ST3GAL1: variants seen among roughly 807,000 people sequenced by gnomAD.
ST3GAL1 encodes the protein CMP-N-acetylneuraminate-beta-galactosamide-alpha-2,3-sialyltransferase 1.
Under a neutral mutation model 34.1 loss-of-function variants are expected in ST3GAL1, and 16 were observed. The observed-to-expected ratio is 0.47, with a 90% confidence interval of 0.32 to 0.71. The LOEUF (loss-of-function observed/expected upper bound fraction) is 0.71. ST3GAL1 is among the 30% of genes least tolerant of loss of function. ST3GAL1 has a pLI of 0.04. For synonymous variants in ST3GAL1, 191 were observed against 184.7 expected (o/e 1.03, Z -0.28); for missense variants, 353 against 447.4 (o/e 0.79, Z 1.90).
rs566201740 is a variant in ST3GAL1, at chr8:133,459,867, G to A, written c.920C>T (p.Ala307Val). The A allele has an allele frequency of 6.3e-5, 102 of 1,614,000 alleles. No homozygotes were observed. Among genetic ancestry groups the A allele is most frequent in the Non-Finnish European group, 8.0e-5 (94 of 1,180,016 alleles). Reference sequence around the variant, plus strand: ...CACCCCCGTCTTGCGAAAAGCCCCCGCGGATGGGTTGTTCTCCCAGTAGTG... The same window carrying A: ...CACCCCCGTCTTGCGAAAAGCCCCCACGGATGGGTTGTTCTCCCAGTAGTG... ...WHHYWENNPSAGAFRKTGVHD... is the reference protein window; with the variant it reads ...WHHYWENNPSVGAFRKTGVHD... The change falls in exon 10 of 10, where the codon GCG becomes GTG. Residue 307 changes from alanine (A) to valine (V), a missense_variant. Transcript: ENST00000522652. The surrounding 1 kb of genome is among the most constrained non-coding windows in gnomAD (Gnocchi z 4.7).
intron 1 of ST3GAL1, among the ~76,000 whole-genome samples, chr8:133,553,176 C>A (rs1356924798): frequency 6.6e-6 from 1 of 152,192 alleles, no homozygotes; most frequent in African/African-American, 2.4e-5. Flanking sequence ...CTGCTCCACT[C>A]TGCTTTGCTG....
At chr8:133,489,794 T>C (rs1252288264) in intron 3 of ST3GAL1, 4 of 152,240 alleles carry the variant, frequency 2.6e-5, no homozygotes, top group Non-Finnish European at 5.9e-5. Context: ...CGCCTGTGGC[T>C]TGACCACCGC....
In ST3GAL1 at chr8:133,506,655, C is replaced by T. The variant is rs562046589; in HGVS notation, c.-428-7466G>A. ...CAAAAATTAGCCGGGCGTGGTGGTACGCACCTGTAATCCCAGCTACTCAGG... is the reference window on the plus strand; with the variant it reads ...CAAAAATTAGCCGGGCGTGGTGGTATGCACCTGTAATCCCAGCTACTCAGG... On this transcript the variant is annotated intron_variant, in intron 2 of 9. Transcript: ENST00000522652. 1.5e-4 allele frequency among the ~76,000 whole-genome samples: 23 copies of T among 151,636 alleles called. No homozygotes were observed. The East Asian group carries it at 4.3e-3, about 28-fold the overall frequency.
chr8:133,475,740 G>C lies in ST3GAL1; in HGVS notation c.285C>G (p.Asp95Glu). ...LLTAQNALLE[D>E]DTYRWWLRLQ... ...TCACCAGCCACCATCGGTAGGTGTC[G>C]TCCTCCAAGAGCGCGTTCTGGGCGG... is the stretch of plus-strand genomic sequence containing the variant. Residue 95 changes from aspartate (D) to glutamate (E), a missense_variant, in exon 5 of 10, where the codon GAC (aspartate) becomes GAG (glutamate). Coordinates refer to ENST00000522652, the MANE Select transcript of ST3GAL1 (RefSeq NM_173344.3). 1 of 1,603,410 alleles carries C rather than the reference G, an allele frequency of 6.2e-7. No individual in the cohort carries two copies.
rs373805011 is a variant in ST3GAL1, at chr8:133,545,260, T to C, written c.-429+514A>G. On this transcript the variant is annotated intron_variant, in intron 2 of 9. Transcript: ENST00000522652. ...AGGCTTTGCAGCCACACGGTCTCTA[T>C]GGTAATGACTCAACTGGGCTGCTGC... Among the ~76,000 whole-genome samples, 7 of 152,384 alleles carry C rather than the reference T, an allele frequency of 4.6e-5. No homozygotes were observed. In the East Asian group the frequency reaches 1.2e-3, roughly 25 times the overall value.
intron 1 of ST3GAL1, among the ~76,000 whole-genome samples, chr8:133,551,570 G>GAAAC (rs1563739042): frequency 6.8e-5 from 10 of 146,154 alleles, no homozygotes; most frequent in African/African-American, 2.6e-4. Flanking sequence ...AAGAAAGAAA[G>GAAAC]AAAGAAAGAA....
intron 2 of ST3GAL1, among the ~76,000 whole-genome samples, chr8:133,509,659 G>A (rs1299033169): frequency 6.6e-6 from 1 of 152,250 alleles, no homozygotes; most frequent in Non-Finnish European, 1.5e-5. Flanking sequence ...GCCGGTGTGG[G>A]ACAGGTGTGC....
rs1038713025 is a variant in ST3GAL1, at chr8:133,466,603, C to T, written c.307-513G>A. Among the ~76,000 whole-genome samples the T allele has an allele frequency of 2.6e-5, 4 of 152,204 alleles. No individual in the cohort carries two copies. The highest frequency in any genetic ancestry group is 4.8e-5 in the African/African-American group (2 of 41,450). On this transcript the variant is annotated intron_variant, in intron 5 of 9. Transcript: ENST00000522652. The surrounding 1 kb of genome is among the most constrained non-coding windows in gnomAD (Gnocchi z 4.4). ...CCCGCTCAAGCCTTAACAAGAAGAG[C>T]GAGGAGTAGGTGGAAATGCCAGTTC...
intron 2 of ST3GAL1, among the ~76,000 whole-genome samples, chr8:133,499,640 T>C (rs913271854): frequency 6.6e-6 from 1 of 152,178 alleles, no homozygotes; most frequent in Non-Finnish European, 1.5e-5. Flanking sequence ...ACATCCTTTT[T>C]CTGGGACCTG....
chr8:133,509,335 G>C (rs746841108), intron 2 of ST3GAL1, among the ~76,000 whole-genome samples: 6 of 152,246 alleles, frequency 3.9e-5, no homozygotes, highest in South Asian at 2.1e-4. Flanking sequence ...GGAGAACACT[G>C]GTTGTGCAGT....
At position 133,456,087 on chromosome 8, in the gene ST3GAL1, C is replaced by G. The variant is rs1205955861; in HGVS notation, c.*3677G>C. ...TCCAGCTTTTCTCTCTAAGCCTAAC[C>G]AAATGCTTTGGTGAATGATGCTTGG... is the stretch of plus-strand genomic sequence containing the variant. On this transcript the variant is annotated 3_prime_UTR_variant, in exon 10 of 10. Coordinates refer to ENST00000522652, the MANE Select transcript of ST3GAL1 (RefSeq NM_173344.3). The G allele has an allele frequency of 6.6e-6, 1 of 152,098 alleles. No homozygotes were observed. Among genetic ancestry groups the G allele is most frequent in the African/African-American group, 2.4e-5 (1 of 41,392 alleles). The allele number at this position is 152,098 out of a possible 1,614,324, so 9.4% of individuals were successfully genotyped here.
intron 1 of ST3GAL1, among the ~76,000 whole-genome samples, chr8:133,560,630 C>T (rs1205697390): frequency 4.6e-5 from 7 of 152,126 alleles, no homozygotes; most frequent in Non-Finnish European, 1.0e-4. Flanking sequence ...GGGCTGGGGG[C>T]CAGGCACCTG....
chr8:133,537,352 C>T (rs1014222142), intron 2 of ST3GAL1, among the ~76,000 whole-genome samples: 4 of 152,180 alleles, frequency 2.6e-5, no homozygotes, highest in Non-Finnish European at 4.4e-5. Flanking sequence ...TCCCAGGGTA[C>T]AGGGTAGGAC....
chr8:133,556,130 A>G lies in ST3GAL1; in HGVS notation c.-581-10204T>C, dbSNP rs1287011031. The stretch of plus-strand genomic sequence containing the variant: ...AGGCTGATCTCGAACTCCTGAGCTC[A>G]GGCAATCCACCCATCTCGGCCTCCC... On this transcript the variant is annotated intron_variant, in intron 1 of 9. Coordinates refer to ENST00000522652, the MANE Select transcript of ST3GAL1 (RefSeq NM_173344.3). This position sits in a 1 kb window ranked among gnomAD's most constrained non-coding sequence, Gnocchi z 8.9. Among the ~76,000 whole-genome samples the G allele has an allele frequency of 6.6e-6, 1 of 152,134 alleles. No homozygotes were observed. The highest frequency in any genetic ancestry group is 1.5e-5 in the Non-Finnish European group (1 of 68,026).
At chr8:133,548,387 G>A (rs544624315) in intron 1 of ST3GAL1, among the ~76,000 whole-genome samples, 5 of 152,144 alleles carry the variant, frequency 3.3e-5, no homozygotes, top group African/African-American at 9.6e-5. Flanking sequence ...AGACATCTTC[G>A]CTGACTCTGG....
At chr8:133,468,826 G>A (rs1273417307) in intron 5 of ST3GAL1, among the ~76,000 whole-genome samples, 1 of 152,162 alleles carries the variant, frequency 6.6e-6, no homozygotes, top group East Asian at 1.9e-4. Flanking sequence ...GGGTGATGCT[G>A]CTGCCAGGGC....
At chr8:133,475,607 C>T (rs1816139834) in intron 5 of ST3GAL1, 112 bp downstream of exon 5, 3 of 1,304,374 alleles carry the variant, frequency 2.3e-6, no homozygotes, top group Non-Finnish European at 3.1e-6. Flanking sequence ...CAGACTCCCA[C>T]TTTCAGCCCA....
rs1554618899 is a variant in ST3GAL1, at chr8:133,541,120, T to TAG, written c.-429+4652_-429+4653dup. Among the ~76,000 whole-genome samples, 339 of 48,624 alleles carry TAG rather than the reference T, an allele frequency of 7.0e-3. 16 individuals are homozygous for TAG. The highest frequency in any genetic ancestry group is 9.4e-3 in the Admixed American group (43 of 4,584). 31.9% of individuals were successfully genotyped at this position (48,624 alleles called of 152,430 possible). Reference sequence around the variant, plus strand: ...ACATATATATATATATATATATATATAGAGAGAGAGAGAGAGAGAGAGAGA... The same window carrying TAG: ...ACATATATATATATATATATATATATAGAGAGAGAGAGAGAGAGAGAGAGAGA... On this transcript the variant is annotated intron_variant, in intron 2 of 9. Coordinates refer to ENST00000522652, the MANE Select transcript of ST3GAL1 (RefSeq NM_173344.3).
chr8:133,562,799 TTCC>T, intron 1 of ST3GAL1, among the ~76,000 whole-genome samples: 8 of 11,510 alleles, frequency 7.0e-4, no homozygotes, highest in Admixed American at 1.9e-3. Flanking sequence ...CTTTCTTTCC[TTCC>T]TTCCTTCCTT....
Sources: allele counts gnomAD v4.1 joint callset (sites outside exome capture counted in the v4.1 genomes callset), GRCh38; gene constraint gnomAD v4.1.1; non-coding constraint Gnocchi (gnomAD v3.1); transcripts MANE v1.5; gene names NCBI Gene and HGNC (gene_info 2026-07-23, HGNC 2026-07-21).